Variants in STAB2 observed in about 807,000 individuals in gnomAD.
The protein encoded by STAB2 is stabilin 2, also known as stabilin-2.
Under a neutral mutation model 338.1 loss-of-function variants are expected in STAB2, and 288 were observed. That is an observed-to-expected ratio of 0.85 (90% CI 0.77 to 0.94). STAB2 has a LOEUF of 0.94. Among genes scored for constraint, STAB2 ranks in the 40% least tolerant of loss-of-function variants. The probability of loss-of-function intolerance (pLI) is 0.00; values close to 1 mark genes in which losing one functional copy is unlikely to be tolerated. For synonymous variants in STAB2, 1,202 were observed against 1,193.3 expected (o/e 1.01, Z -0.15); for missense variants, 3,141 against 3,210.1 (o/e 0.98, Z 0.52).
chr12:103,632,570 A>G (rs535278387), intron 6 of STAB2, among the ~76,000 whole-genome samples: 125 of 152,240 alleles, frequency 8.2e-4, no homozygotes, highest in African/African-American at 2.9e-3. Flanking sequence ...GGAATACACA[A>G]TGTCTATGTC....
intron 51 of STAB2, among the ~76,000 whole-genome samples, chr12:103,734,948 T>A (rs2139095041): frequency 6.6e-6 from 1 of 152,320 alleles, no homozygotes; most frequent in African/African-American, 2.4e-5. Context: ...CCTGTGTGTT[T>A]CTGTGCCTTC....
At chr12:103,764,817 G>A (rs1053526863) in intron 68 of STAB2, among the ~76,000 whole-genome samples, 2 of 151,980 alleles carry the variant, frequency 1.3e-5, no homozygotes, top group Admixed American at 6.6e-5. Flanking sequence ...GTAAGTTCGG[G>A]CCGGGTGCAG....
At chr12:103,673,135 A>G (rs1427627820) in intron 22 of STAB2, among the ~76,000 whole-genome samples, 1 of 152,190 alleles carries the variant, frequency 6.6e-6, no homozygotes, top group African/African-American at 2.4e-5. Context: ...AAAAACAAAC[A>G]TATTAGCTAC....
At chr12:103,654,815 G>A in intron 13 of STAB2, 117 bp downstream of exon 13, 4 of 1,253,870 alleles carry the variant, frequency 3.2e-6, no homozygotes, top group Admixed American at 5.2e-5. Flanking sequence ...CTAGGATCCC[G>A]AGCAGAGAGA....
chr12:103,633,134 C>T (rs916024074), intron 6 of STAB2, among the ~76,000 whole-genome samples: 4 of 152,224 alleles, frequency 2.6e-5, no homozygotes, highest in Non-Finnish European at 4.4e-5. Context: ...AGTCAGCCTC[C>T]TTCCTTGGCC....
intron 51 of STAB2, among the ~76,000 whole-genome samples, chr12:103,734,016 A>G (rs1187917821): frequency 6.6e-6 from 1 of 151,328 alleles, no homozygotes; most frequent in East Asian, 1.9e-4. Flanking sequence ...AGGAGCAAGC[A>G]TGATCATATA....
chr12:103,663,288 TA>T (rs1280522162), intron 18 of STAB2, among the ~76,000 whole-genome samples: 1 of 152,178 alleles, frequency 6.6e-6, no homozygotes, highest in African/African-American at 2.4e-5. Context: ...GCCACAACAG[TA>T]ATTTATTCTC....
At chr12:103,597,002 G>A (rs995309276) in intron 3 of STAB2, among the ~76,000 whole-genome samples, 2 of 140,230 alleles carry the variant, frequency 1.4e-5, no homozygotes, top group African/African-American at 5.2e-5. Flanking sequence ...CTCTTTGAAT[G>A]TTCAAACATT....
At chr12:103,651,129 A>G (rs1593183186) in intron 11 of STAB2, among the ~76,000 whole-genome samples, 1 of 152,290 alleles carries the variant, frequency 6.6e-6, no homozygotes, top group African/African-American at 2.4e-5. Flanking sequence ...GAGGCGTCCT[A>G]TCGAGATGGC....
chr12:103,763,692 T>TG, intron 68 of STAB2, 84 bp downstream of exon 68: 2 of 1,247,916 alleles, frequency 1.6e-6, no homozygotes, highest in Non-Finnish European at 2.3e-6. Flanking sequence ...TGGAGATCTT[T>TG]GTACCAAAGA....
chr12:103,717,001 G>T (rs188887283), intron 43 of STAB2, among the ~76,000 whole-genome samples: 218 of 152,336 alleles, frequency 1.4e-3, no homozygotes, highest in Middle Eastern at 6.8e-3. Flanking sequence ...AGCCCTAGCT[G>T]GCACCAATGA....
intron 49 of STAB2, 91 bp downstream of exon 49, chr12:103,730,347 T>A: frequency 7.0e-7 from 1 of 1,423,256 alleles, no homozygotes; most frequent in South Asian, 1.3e-5. Flanking sequence ...TTGAAACATT[T>A]TCTTTTTCTG....
At chr12:103,757,525 G>A (rs1884221738) in intron 63 of STAB2, among the ~76,000 whole-genome samples, 1 of 152,266 alleles carries the variant, frequency 6.6e-6, no homozygotes, top group African/African-American at 2.4e-5. Flanking sequence ...AAAAAGTGGA[G>A]CAGGGCTTGG....
intron 67 of STAB2, 47 bp from the exon 68 acceptor site, chr12:103,763,445 C>A: frequency 6.3e-7 from 1 of 1,579,886 alleles, no homozygotes; most frequent in South Asian, 1.1e-5. Flanking sequence ...CTGAGACGCT[C>A]CTGCTTTGGG....
intron 59 of STAB2, among the ~76,000 whole-genome samples, chr12:103,749,994 G>T (rs76667364): frequency 6.6e-6 from 1 of 152,106 alleles, no homozygotes; most frequent in African/African-American, 2.4e-5. Flanking sequence ...CTGACAAGCT[G>T]TGTGACCTGG....
At chr12:103,606,459 G>A (rs1319468981) in intron 3 of STAB2, among the ~76,000 whole-genome samples, 2 of 152,034 alleles carry the variant, frequency 1.3e-5, no homozygotes, top group South Asian at 4.2e-4. Flanking sequence ...TCTTTTATGT[G>A]GATACAGATT....
At chr12:103,684,925 T>C (rs1877257913) in intron 26 of STAB2, 64 bp from the exon 27 acceptor site, 1 of 1,520,392 alleles carries the variant, frequency 6.6e-7, no homozygotes, top group South Asian at 1.1e-5. Flanking sequence ...TGTCGTCTCA[T>C]AGATGTAACT....
chr12:103,737,587 TC>T, intron 52 of STAB2, 46 bp from the exon 53 acceptor site: 1 of 1,379,902 alleles, frequency 7.2e-7, no homozygotes, highest in East Asian at 2.5e-5. Flanking sequence ...TCTCTCTCTC[TC>T]TCTCTCTCTC....
chr12:103,738,672 AT>A (rs1882340797), intron 53 of STAB2, among the ~76,000 whole-genome samples: 1 of 152,074 alleles, frequency 6.6e-6, no homozygotes, highest in Admixed American at 6.6e-5. Flanking sequence ...TCATTTAATC[AT>A]TTTTCCTCAT....
Sources: allele counts gnomAD v4.1 joint callset (sites outside exome capture counted in the v4.1 genomes callset), GRCh38; gene constraint gnomAD v4.1.1; transcripts MANE v1.5; gene names NCBI Gene and HGNC (gene_info 2026-07-23, HGNC 2026-07-21).